The following DOCK7 variants were observed in gnomAD, a reference collection of about 807,000 sequenced individuals.
DOCK7 encodes dedicator of cytokinesis 7.
In DOCK7, 138 loss-of-function variants were observed where a neutral mutation model predicts 271.0. The observed-to-expected ratio is 0.51, with a 90% CI of 0.44 to 0.59. The LOEUF (loss-of-function observed/expected upper bound fraction) is 0.59. Ranked by LOEUF, DOCK7 falls within the 20% of genes least tolerant of loss-of-function variation. DOCK7 has a pLI of 0.00. For missense variants in DOCK7, 2,066 were observed against 2,592.4 expected (o/e 0.80, Z 4.41); for synonymous variants, 823 against 876.1 (o/e 0.94, Z 1.07).
chr1:62,604,825 C>T, intron 14 of DOCK7: 1 of 1,611,506 alleles, frequency 6.2e-7, no homozygotes, highest in Non-Finnish European at 8.5e-7. Context: ...TGAACTGAGG[C>T]AAATTTAAAA....
chr1:62,648,015 T>C, intron 6 of DOCK7, 91 bp downstream of exon 6: 2 of 1,212,024 alleles, frequency 1.7e-6, no homozygotes, highest in African/African-American at 1.5e-5. Flanking sequence ...AGTTGCTTTA[T>C]CCTCTACATT....
chr1:62,650,370 G>A (rs202150750), intron 4 of DOCK7, among the ~76,000 whole-genome samples: 17 of 152,002 alleles, frequency 1.1e-4, no homozygotes, highest in African/African-American at 3.6e-4. Flanking sequence ...ATAAATAAAT[G>A]AAGTACTTTT....
At chr1:62,682,622 A>G (rs982644785) in intron 1 of DOCK7, among the ~76,000 whole-genome samples, 2 of 152,242 alleles carry the variant, frequency 1.3e-5, no homozygotes, top group Non-Finnish European at 2.9e-5. Context: ...CAAGAGCCCT[A>G]TAATTCAAGT....
intron 14 of DOCK7, among the ~76,000 whole-genome samples, chr1:62,616,487 G>T (rs138378979): frequency 2.6e-5 from 4 of 151,770 alleles, no homozygotes; most frequent in African/African-American, 9.6e-5. Flanking sequence ...CTACCAATGA[G>T]AAATTTTATT....
chr1:62,534,172 A>T (rs1185092776), intron 29 of DOCK7, among the ~76,000 whole-genome samples: 1 of 152,050 alleles, frequency 6.6e-6, no homozygotes, highest in Non-Finnish European at 1.5e-5. Flanking sequence ...CTAATGTTTG[A>T]TATTTTTAGT....
chr1:62,547,387 T>C (rs1431944374), intron 22 of DOCK7, among the ~76,000 whole-genome samples: 5 of 152,192 alleles, frequency 3.3e-5, no homozygotes, highest in African/African-American at 1.2e-4. Flanking sequence ...ATTAACCAAA[T>C]GTGTGCCCAC....
intron 14 of DOCK7, among the ~76,000 whole-genome samples, chr1:62,591,660 C>G (rs981988552): frequency 1.3e-5 from 2 of 152,116 alleles, no homozygotes; most frequent in South Asian, 2.1e-4. Flanking sequence ...TACCACCCCC[C>G]ACTCCCAAAT....
chr1:62,609,206 T>C (rs1651428223), intron 14 of DOCK7: 2 of 152,302 alleles, frequency 1.3e-5, no homozygotes, highest in South Asian at 4.1e-4. Context: ...GCACTAACAA[T>C]CCTCTATTAT....
chr1:62,498,225 TC>T (rs1646679423), intron 37 of DOCK7, among the ~76,000 whole-genome samples: 1 of 152,056 alleles, frequency 6.6e-6, no homozygotes, highest in Non-Finnish European at 1.5e-5. Context: ...AGACCTCATC[TC>T]CCAAAATTTA....
Position 62,475,880 on chromosome 1 carries a change from T to C in DOCK7, c.5788A>G (p.Thr1930Ala). Residue 1930 changes from threonine to alanine, a missense_variant, in exon 46 of 50, where the codon ACC becomes GCC. Coordinates refer to ENST00000635253, the MANE Select transcript of DOCK7 (RefSeq NM_001367561.1). ...FDTYEMKDRI[T>A]YFDKNYNLRR... ...AGATTGTAATTTTTGTCGAAATAGG[T>C]GATTCTGTCCTTCATCTCATATGTG... The C allele has an allele frequency of 6.2e-7, 1 of 1,614,060 alleles. No individual in the cohort carries two copies. Among genetic ancestry groups the C allele is most frequent in the Non-Finnish European group, 8.5e-7 (1 of 1,179,946 alleles).
chr1:62,542,350 T>C (rs948431429), intron 25 of DOCK7, among the ~76,000 whole-genome samples: 4 of 152,126 alleles, frequency 2.6e-5, no homozygotes, highest in African/African-American at 9.7e-5. Context: ...CAAGTTTCCT[T>C]TGAAAATATA....
chr1:62,638,915 C>CT (rs557402584), intron 7 of DOCK7, among the ~76,000 whole-genome samples: 8 of 150,128 alleles, frequency 5.3e-5, no homozygotes, highest in Admixed American at 3.3e-4. Context: ...TTTTTTAGCT[C>CT]TTTTTTTTTA....
intron 22 of DOCK7, among the ~76,000 whole-genome samples, chr1:62,547,318 A>C (rs1645742797): frequency 6.6e-6 from 1 of 152,224 alleles, no homozygotes. Context: ...AAGCAAACTC[A>C]TCACTTATAT....
intron 42 of DOCK7, chr1:62,488,500 T>G (rs536579394): frequency 5.9e-6 from 1 of 169,712 alleles, no homozygotes; most frequent in African/African-American, 2.4e-5. Context: ...AAAAATAAAG[T>G]TCAGTTGCAG....
rs1394414683 is a variant in DOCK7 at position 62,495,612 on chromosome 1, C to G, written c.4993G>C (p.Asp1665His). 1 of 1,587,546 alleles carries G rather than the reference C, an allele frequency of 6.3e-7. No individual in the cohort carries two copies. The highest frequency in any genetic ancestry group is 1.4e-5 in the African/African-American group (1 of 73,080). The change falls in exon 39 of 50, where the codon GAT becomes CAT. Residue 1665 changes from aspartate (D) to histidine (H), a missense_variant. Transcript: ENST00000635253. ...DTVKMKEHQE[D>H]PEMLIDLMYR... ...ATTAGATCAATCAACATTTCAGGAT[C>G]CTCCTGGTGTTCCTTCATTTTCACA...
At chr1:62,660,787 G>A (rs1381988377) in intron 2 of DOCK7, among the ~76,000 whole-genome samples, 1 of 152,148 alleles carries the variant, frequency 6.6e-6, no homozygotes, top group African/African-American at 2.4e-5. Context: ...TACATATAAT[G>A]GAGTACTATT....
At chr1:62,625,709 G>A (rs1653867121) in intron 11 of DOCK7, among the ~76,000 whole-genome samples, 1 of 152,164 alleles carries the variant, frequency 6.6e-6, no homozygotes, top group Non-Finnish European at 1.5e-5. Flanking sequence ...TTTACCACAG[G>A]AAAATTTTAG....
At chr1:62,644,257 C>T (rs1656367762) in intron 7 of DOCK7, among the ~76,000 whole-genome samples, 1 of 152,138 alleles carries the variant, frequency 6.6e-6, no homozygotes, top group Non-Finnish European at 1.5e-5. Flanking sequence ...TTTTTTGAGC[C>T]ACACATATAG....
intron 14 of DOCK7, among the ~76,000 whole-genome samples, chr1:62,614,332 GT>G (rs754741470): frequency 2.7e-5 from 4 of 150,452 alleles, no homozygotes; most frequent in Non-Finnish European, 4.5e-5. Context: ...TAAGGTTTTT[GT>G]TTTTTTTTAA....
Sources: allele counts gnomAD v4.1 joint callset (sites outside exome capture counted in the v4.1 genomes callset), GRCh38; gene constraint gnomAD v4.1.1; transcripts MANE v1.5; gene names NCBI Gene and HGNC (gene_info 2026-07-23, HGNC 2026-07-21).